The following KIAA1549 variants were observed in gnomAD, a reference collection of about 807,000 sequenced individuals.
The protein encoded by KIAA1549 is KIAA1549, also known as UPF0606 protein KIAA1549.
Under a neutral mutation model 156.4 loss-of-function variants are expected in KIAA1549, and 70 were observed. The observed-to-expected ratio is 0.45, with a 90% CI of 0.37 to 0.55. KIAA1549 has a LOEUF of 0.55. KIAA1549 is among the 20% of genes least tolerant of loss of function. The pLI is 0.00. For missense variants in KIAA1549, 2,428 were observed against 2,540.9 expected (o/e 0.96, Z 0.96); for synonymous variants, 1,103 against 1,066.4 (o/e 1.03, Z -0.67).
At chr7:138,923,266 G>T (rs1237456510) in intron 1 of KIAA1549, among the ~76,000 whole-genome samples, 3 of 152,190 alleles carry the variant, frequency 2.0e-5, no homozygotes, top group Admixed American at 1.3e-4. Context: ...CAAATAGAAG[G>T]GTTATTGCCT....
chr7:138,944,094 T>C (rs1355072225), intron 1 of KIAA1549, among the ~76,000 whole-genome samples: 3 of 151,374 alleles, frequency 2.0e-5, no homozygotes, highest in African/African-American at 7.3e-5. Flanking sequence ...TTTTTGTCTA[T>C]GGCCCCATTT....
In KIAA1549 at chr7:138,868,005, G is replaced by A. The variant is rs923183360; in HGVS notation, c.4899C>T (p.Gly1633=). The change falls in exon 15 of 20, where the codon GGC becomes GGT. Residue 1633 remains glycine (G), a synonymous_variant. Coordinates refer to ENST00000422774, the MANE Select transcript of KIAA1549 (RefSeq NM_001164665.2). ...ATCCGATGTAGGCTGAGTTGTGGAC[G>A]CCGGGGGGCCTCCTGTAGGTGCCAT... is the stretch of plus-strand genomic sequence containing the variant. ...DSDGTYRRPP[G]VHNSAYIGCP... 8 of 1,613,924 alleles carry A rather than the reference G, an allele frequency of 5.0e-6. No homozygotes were observed. The highest frequency in any genetic ancestry group is 2.2e-5 in the East Asian group (1 of 44,884).
At chr7:138,915,433 G>A (rs1034228507) in intron 2 of KIAA1549, among the ~76,000 whole-genome samples, 1 of 152,044 alleles carries the variant, frequency 6.6e-6, no homozygotes, top group Non-Finnish European at 1.5e-5. Flanking sequence ...AATAACGAAT[G>A]TTTCCCTTTG....
chr7:138,973,800 A>G (rs962972205), intron 1 of KIAA1549, among the ~76,000 whole-genome samples: 4 of 152,196 alleles, frequency 2.6e-5, no homozygotes, highest in Non-Finnish European at 4.4e-5. Context: ...GCATGCCACC[A>G]TGCCCAACTA....
chr7:138,928,871 T>C (rs1173176591), intron 1 of KIAA1549, among the ~76,000 whole-genome samples: 1 of 152,200 alleles, frequency 6.6e-6, no homozygotes. Flanking sequence ...AACCTGCATG[T>C]TGTGCACATG....
chr7:138,948,524 AAGCC>A (rs1022761316), intron 1 of KIAA1549, among the ~76,000 whole-genome samples: 2 of 152,144 alleles, frequency 1.3e-5, no homozygotes, highest in African/African-American at 4.8e-5. Context: ...TCTGTCATTT[AAGCC>A]ACCCAGTCTG....
At chr7:138,912,961 G>A (rs1434730619) in intron 2 of KIAA1549, among the ~76,000 whole-genome samples, 1 of 152,114 alleles carries the variant, frequency 6.6e-6, no homozygotes, top group Admixed American at 6.5e-5. Context: ...TGTAAGCTCC[G>A]CCTCCCGGGT....
At chr7:138,891,230 G>T (rs956655265) in intron 10 of KIAA1549, among the ~76,000 whole-genome samples, 1 of 152,246 alleles carries the variant, frequency 6.6e-6, no homozygotes, top group Non-Finnish European at 1.5e-5. Flanking sequence ...TCAATGTTTG[G>T]TGAGTGACAC....
At chr7:138,839,778 CTTTTTTTTT>C (rs763327649) in intron 19 of KIAA1549, among the ~76,000 whole-genome samples, 9 of 61,326 alleles carry the variant, frequency 1.5e-4, no homozygotes, top group Non-Finnish European at 2.7e-4. Flanking sequence ...GGGATTATGT[CTTTTTTTTT>C]TTTTTTTTTT....
chr7:138,957,574 T>C (rs1813705160), intron 1 of KIAA1549, among the ~76,000 whole-genome samples: 1 of 151,850 alleles, frequency 6.6e-6, no homozygotes, highest in Non-Finnish European at 1.5e-5. Context: ...GCCTCCCAGG[T>C]TCAAGCAATT....
intron 12 of KIAA1549, among the ~76,000 whole-genome samples, chr7:138,874,857 T>A (rs922979839): frequency 2.6e-5 from 4 of 151,954 alleles, no homozygotes; most frequent in African/African-American, 9.7e-5. Flanking sequence ...TAACCCGGCG[T>A]GGTGGTGTAC....
At chr7:138,976,595 A>AT (rs1388504317) in intron 1 of KIAA1549, among the ~76,000 whole-genome samples, 1 of 152,188 alleles carries the variant, frequency 6.6e-6, no homozygotes, top group Non-Finnish European at 1.5e-5. Flanking sequence ...ACTGTGCCTC[A>AT]TTTTTTAATT....
chr7:138,913,900 T>G (rs2130471042), intron 2 of KIAA1549, among the ~76,000 whole-genome samples: 1 of 144,112 alleles, frequency 6.9e-6, no homozygotes, highest in South Asian at 2.2e-4. Context: ...AGGAAGGAAA[T>G]GAAGAGGGAG....
At chr7:138,864,245 T>C (rs569218823) in intron 15 of KIAA1549, among the ~76,000 whole-genome samples, 2 of 152,270 alleles carry the variant, frequency 1.3e-5, no homozygotes, top group East Asian at 1.9e-4. Flanking sequence ...TCTCAGACAT[T>C]TGAGCAGAGT....
chr7:138,867,353 G>C (rs1263693606), intron 15 of KIAA1549, among the ~76,000 whole-genome samples: 1 of 152,018 alleles, frequency 6.6e-6, no homozygotes, highest in Non-Finnish European at 1.5e-5. Flanking sequence ...TCAGGAGTTT[G>C]AGACCAGCCT....
At position 138,836,883 on chromosome 7, in the gene KIAA1549, A is replaced by G. The variant is rs921497406; in HGVS notation, c.*1023T>C. ...GAATGTGACTGGTAGGGATGTATGT[A>G]TAACAATTTCGTGGTGCTGGGAATT... On this transcript the variant is annotated 3_prime_UTR_variant, in exon 20 of 20. Coordinates refer to ENST00000422774, the MANE Select transcript of KIAA1549 (RefSeq NM_001164665.2). The G allele has an allele frequency of 4.4e-6, 1 of 225,894 alleles. No individual in the cohort carries two copies. Among genetic ancestry groups the G allele is most frequent in the African/African-American group, 2.2e-5 (1 of 45,072 alleles). The allele number at this position is 225,894 out of a possible 1,614,324, so 14.0% of individuals were successfully genotyped here.
chr7:138,882,346 C>T lies in KIAA1549; in HGVS notation c.4033-762G>A, dbSNP rs186835048. On this transcript the variant is annotated intron_variant, in intron 10 of 19. Coordinates refer to ENST00000422774, the MANE Select transcript of KIAA1549 (RefSeq NM_001164665.2). ...AGGAAGAGAAAGAAGCCATTGAGGA[C>T]GTGAATTTCACGTGAAGAGTGAAAG... 1.1e-3 allele frequency among the ~76,000 whole-genome samples: 171 copies of T among 152,290 alleles called. 1 individual carries two copies. The highest frequency in any genetic ancestry group is 1.7e-3 in the African/African-American group (71 of 41,554).
Position 138,835,729 on chromosome 7 carries a change from G to C in KIAA1549, c.*2177C>G, listed in dbSNP as rs957441875. ...ACATACAAAGATAATCGTTCAATTT[G>C]GGAGGAGTCGGGTATTAAACCAAGA... On this transcript the variant is annotated 3_prime_UTR_variant, in exon 20 of 20. Transcript: ENST00000422774. 3 of 218,154 alleles carry C rather than the reference G, an allele frequency of 1.4e-5. No individual in the cohort carries two copies. The highest frequency in any genetic ancestry group is 2.2e-5 in the African/African-American group (1 of 44,510). 13.5% of individuals were successfully genotyped at this position (218,154 alleles called of 1,614,324 possible). A position where few individuals can be genotyped will look rare whatever the true frequency, so the allele number is the denominator to read the frequency against.
chr7:138,870,055 T>C (rs768608895), intron 13 of KIAA1549, among the ~76,000 whole-genome samples: 14 of 152,058 alleles, frequency 9.2e-5, no homozygotes, highest in Admixed American at 4.6e-4. Context: ...TTCTCTATGT[T>C]GGCCAGGCTG....
Sources: gnomAD v4.1 joint callset for allele counts (sites outside exome capture counted in the v4.1 genomes callset) on GRCh38, gnomAD v4.1.1 for gene constraint, MANE v1.5 for transcripts, NCBI Gene and HGNC (gene_info 2026-07-23, HGNC 2026-07-21) for gene names.